CMAS: variants seen among roughly 807,000 people sequenced by gnomAD.
CMAS encodes cytidine monophosphate N-acetylneuraminic acid synthetase.
Under a neutral mutation model 53.4 loss-of-function variants are expected in CMAS, and 21 were observed. That is an observed-to-expected ratio of 0.39 (90% confidence interval 0.28 to 0.57). The LOEUF (loss-of-function observed/expected upper bound fraction) is 0.57. Among genes scored for constraint, CMAS ranks in the 20% least tolerant of loss-of-function variants. The probability of loss-of-function intolerance (pLI) is 0.56; values close to 1 mark genes in which losing one functional copy is unlikely to be tolerated. For missense variants in CMAS, 384 were observed against 534.9 expected (o/e 0.72, Z 2.78); for synonymous variants, 189 against 195.2 (o/e 0.97, Z 0.27).
chr12:22,053,292 A>C (rs1481131869), intron 1 of CMAS, among the ~76,000 whole-genome samples: 3 of 151,956 alleles, frequency 2.0e-5, no homozygotes, highest in Admixed American at 2.0e-4. Context: ...CTCTGTCAAA[A>C]AAACAAACAA....
chr12:22,064,848 C>T (rs1173962097), intron 7 of CMAS, among the ~76,000 whole-genome samples: 1 of 152,110 alleles, frequency 6.6e-6, no homozygotes, highest in Non-Finnish European at 1.5e-5. Flanking sequence ...TATAAAATTT[C>T]TAACATTTGT....
chr12:22,052,808 C>T (rs927530933), intron 1 of CMAS, among the ~76,000 whole-genome samples: 2 of 152,150 alleles, frequency 1.3e-5, no homozygotes, highest in Admixed American at 6.5e-5. Context: ...GATTCTTGAC[C>T]CCTAGCCAGT....
intron 4 of CMAS, among the ~76,000 whole-genome samples, chr12:22,059,685 T>C (rs1441183025): frequency 1.3e-5 from 2 of 152,192 alleles, no homozygotes; most frequent in Non-Finnish European, 2.9e-5. Flanking sequence ...ATAGACTAGC[T>C]GTTTAGTTAA....
chr12:22,056,666 C>CA (rs1403860023), intron 3 of CMAS, among the ~76,000 whole-genome samples: 1 of 152,160 alleles, frequency 6.6e-6, no homozygotes, highest in Non-Finnish European at 1.5e-5. Flanking sequence ...CCACCCAGTA[C>CA]ACTCAGCCAA....
chr12:22,060,333 T>TAAAAAAAAAAAAAAAAAAAAAAA (rs58755366), intron 4 of CMAS, among the ~76,000 whole-genome samples: 2 of 54,138 alleles, frequency 3.7e-5, no homozygotes, highest in Non-Finnish European at 7.0e-5. Context: ...GCTTTCTCCT[T>TAAAAAAAAAAAAAAAAAAAAAAA]AAAAAAAAAA....
chr12:22,058,008 G>T (rs919970325), intron 3 of CMAS, among the ~76,000 whole-genome samples: 1 of 151,346 alleles, frequency 6.6e-6, no homozygotes, highest in African/African-American at 2.4e-5. Flanking sequence ...TGTGTTTTTA[G>T]TGGAGATGGC....
In CMAS at chr12:22,060,819, A is replaced by T. The variant is rs749085455; in HGVS notation, c.694-13A>T. The T allele has an allele frequency of 2.0e-6, 3 of 1,493,612 alleles. No individual in the cohort carries two copies. The African/African-American group carries it at 4.1e-5, about 21-fold the overall frequency. 92.5% of individuals were successfully genotyped at this position (1,493,612 alleles called of 1,614,324 possible). ...ATTAAAAACAGTATTCATGACATTT[A>T]TACTACCTTTAGGGTGGAAAAATGG... On this transcript the variant is annotated splice_polypyrimidine_tract_variant and intron_variant, in intron 4 of 7. Transcript: ENST00000229329.
At chr12:22,059,287 T>C (rs1950292429) in intron 4 of CMAS, among the ~76,000 whole-genome samples, 1 of 151,812 alleles carries the variant, frequency 6.6e-6, no homozygotes, top group African/African-American at 2.4e-5. Flanking sequence ...TGCAACATGG[T>C]TGCATCATAT....
chr12:22,046,402 C>A lies in CMAS; in HGVS notation c.99C>A (p.Gly33=), dbSNP rs1251012716. ...CGAAGCTGCAGCGCAACTCTCGCGG[C>A]GGCCAGGGCCGAGGTGTGGAGAAGC... ...RPPKLQRNSR[G]GQGRGVEKPP... Residue 33 remains glycine, a synonymous_variant, in exon 1 of 8, where the codon GGC becomes GGA. Transcript: ENST00000229329. 2 of 1,588,696 alleles carry A rather than the reference C, an allele frequency of 1.3e-6. No homozygotes were observed. The highest frequency in any genetic ancestry group is 1.7e-6 in the Non-Finnish European group (2 of 1,169,338).
intron 1 of CMAS, among the ~76,000 whole-genome samples, chr12:22,049,252 C>T (rs974030558): frequency 2.0e-5 from 3 of 152,124 alleles, no homozygotes; most frequent in Non-Finnish European, 4.4e-5. Flanking sequence ...TTGAAACCAG[C>T]GATGGAGCCC....
At chr12:22,052,034 G>A (rs1421236712) in intron 1 of CMAS, among the ~76,000 whole-genome samples, 2 of 152,150 alleles carry the variant, frequency 1.3e-5, no homozygotes, top group African/African-American at 4.8e-5. Context: ...AGCCAGAATT[G>A]AACCTCTTCC....
At position 22,055,136 on chromosome 12, in the gene CMAS, G is replaced by T. The variant is rs202065613; in HGVS notation, c.261-13G>T. The T allele has an allele frequency of 1.9e-6, 3 of 1,550,434 alleles. No homozygotes were observed. Among genetic ancestry groups the T allele is most frequent in the South Asian group, 2.5e-5 (2 of 79,812 alleles). ...TTTGATTTGGCTGTTAATTTCTTTT[G>T]ATATCTGAACAGTGTATGGGTTTCG... On this transcript the variant is annotated splice_polypyrimidine_tract_variant and intron_variant, in intron 1 of 7. Transcript: ENST00000229329.
At chr12:22,050,834 GCTT>G (rs933794723) in intron 1 of CMAS, among the ~76,000 whole-genome samples, 4 of 151,996 alleles carry the variant, frequency 2.6e-5, no homozygotes, top group African/African-American at 9.7e-5. Flanking sequence ...GAAAAGCTAA[GCTT>G]CTTATGAGCA....
At chr12:22,058,275 A>G (rs1042466135) in intron 3 of CMAS, among the ~76,000 whole-genome samples, 1 of 151,490 alleles carries the variant, frequency 6.6e-6, no homozygotes, top group Non-Finnish European at 1.5e-5. Flanking sequence ...AAATACAAAA[A>G]TTAGCCAGGT....
At chr12:22,046,679 A>T in intron 1 of CMAS, 116 bp downstream of exon 1, 1 of 1,209,126 alleles carries the variant, frequency 8.3e-7, no homozygotes, top group Admixed American at 3.4e-5. Flanking sequence ...GCCATCTCTC[A>T]TGCCAGGGAT....
At chr12:22,064,497 C>T (rs1179995053) in intron 7 of CMAS, among the ~76,000 whole-genome samples, 2 of 151,932 alleles carry the variant, frequency 1.3e-5, no homozygotes, top group Admixed American at 1.3e-4. Flanking sequence ...AATAAGTCAG[C>T]TATAAAAGGA....
chr12:22,054,241 G>T (rs937869816), intron 1 of CMAS, among the ~76,000 whole-genome samples: 1 of 152,098 alleles, frequency 6.6e-6, no homozygotes, highest in African/African-American at 2.4e-5. Flanking sequence ...ATTGTGGCTA[G>T]AGTAGTATTT....
rs760948303 is a variant in CMAS at position 22,046,541 on chromosome 12, C to A, written c.238C>A (p.Leu80Met). 6.3e-6 allele frequency: 10 copies of A among 1,598,994 alleles called. No homozygotes were observed. The South Asian group carries it at 1.1e-4, about 18-fold the overall frequency. ...CATTGGCTGGGTCCTGCGTGCGGCC[C>A]TGGATTCAGGGGCCTTCCAGAGGTG... ...PLIGWVLRAA[L>M]DSGAFQSVWV... The change falls in exon 1 of 8, where the codon CTG (leucine) becomes ATG (methionine). Residue 80 changes from leucine to methionine, a missense_variant. Physicochemically the swap from Leu to Met is conservative, Grantham distance 15 (BLOSUM62 2). Around this residue, in one of 3 missense-constraint regions of CMAS, gnomAD observed 111 missense variants for 132.2 expected, o/e 0.84. Coordinates refer to ENST00000229329, the MANE Select transcript of CMAS (RefSeq NM_018686.6).
chr12:22,064,211 T>A (rs974115416), intron 7 of CMAS, among the ~76,000 whole-genome samples: 1 of 152,144 alleles, frequency 6.6e-6, no homozygotes, highest in Non-Finnish European at 1.5e-5. Flanking sequence ...TGGTCTAAAG[T>A]ATAGTAATAG....
Sources: allele counts gnomAD v4.1 joint callset (sites outside exome capture counted in the v4.1 genomes callset), GRCh38; gene constraint gnomAD v4.1.1; regional missense constraint gnomAD v4.1.1; transcripts MANE v1.5; gene names NCBI Gene and HGNC (gene_info 2026-07-23, HGNC 2026-07-21).